Variants in MYRF observed in about 807,000 individuals in gnomAD.
The protein encoded by MYRF is myelin gene regulatory factor.
Under a neutral mutation model 126.3 loss-of-function variants are expected in MYRF, and 16 were observed. The ratio of observed to expected loss-of-function variants is 0.13; its 90% CI spans 0.09 to 0.19. The LOEUF (loss-of-function observed/expected upper bound fraction) is 0.19, where lower values mean the gene tolerates loss of function less well. Ranked by LOEUF, MYRF falls within the 10% of genes least tolerant of loss-of-function variation. The probability of loss-of-function intolerance (pLI) is 1.00; values close to 1 mark genes in which losing one functional copy is unlikely to be tolerated. For synonymous variants in MYRF, 608 were observed against 635.3 expected, an observed-to-expected ratio of 0.96 and a Z score of 0.65; for missense variants, 1,104 against 1,547.0, an observed-to-expected ratio of 0.71 and a Z score of 4.80.
In MYRF at chr11:61,781,777, A is replaced by G. The variant is rs1433874475; in HGVS notation, c.2969A>G (p.Gln990Arg). Residue 990 changes from glutamine (Q) to arginine (R), a missense_variant, in exon 22 of 27, where the codon CAG (glutamine) becomes CGG (arginine). By Grantham distance (43) the Gln-to-Arg change is conservative. Around this residue, in one of 10 missense-constraint regions of MYRF, gnomAD observed 323 missense variants for 383.1 expected, o/e 0.84. Transcript: ENST00000278836. The stretch of plus-strand genomic sequence containing the variant: ...GGCCGGGCCCGCCGAGGGGCCCTCC[A>G]GTCCAGCGTGGGCCCTGCTGAGCCC... ...FHGRARRGAL[Q>R]SSVGPAEPTW... 8 of 1,607,770 alleles carry G rather than the reference A, an allele frequency of 5.0e-6. No homozygotes were observed. The highest frequency in any genetic ancestry group is 2.7e-5 in the African/African-American group (2 of 74,674).
At position 61,776,677 on chromosome 11, in the gene MYRF, G is replaced by C. The variant is rs1217365814; in HGVS notation, c.1500-110G>C. The C allele has an allele frequency of 1.1e-6, 1 of 925,030 alleles. No individual in the cohort carries two copies. The highest frequency in any genetic ancestry group is 2.7e-5 in the East Asian group (1 of 37,674). The allele number at this position is 925,030 out of a possible 1,614,324, so 57.3% of individuals were successfully genotyped here. ...TTTCTGCCCCCTGGTGGAGGCTCGG[G>C]TTCCTCCTCTGTAGGAGGGGGTGAG... On this transcript the variant is annotated intron_variant, in intron 10 of 26. Coordinates refer to ENST00000278836, the MANE Select transcript of MYRF (RefSeq NM_001127392.3). This position sits in a 1 kb window ranked among gnomAD's most constrained non-coding sequence, Gnocchi z 4.3.
chr11:61,776,530 G>T lies in MYRF; in HGVS notation c.1499+98G>T, dbSNP rs2066387892. ...CCAGGCACAGAGTCCTACAGGCTGAGCCATTTCACAGATGAGAGACCTGAG... is the reference window on the plus strand; with the variant it reads ...CCAGGCACAGAGTCCTACAGGCTGATCCATTTCACAGATGAGAGACCTGAG... On this transcript the variant is annotated intron_variant, in intron 10 of 26. Coordinates refer to ENST00000278836, the MANE Select transcript of MYRF (RefSeq NM_001127392.3). This position sits in a 1 kb window ranked among gnomAD's most constrained non-coding sequence, Gnocchi z 4.3. The T allele has an allele frequency of 2.0e-6, 2 of 1,010,742 alleles. No individual in the cohort carries two copies. The highest frequency in any genetic ancestry group is 3.0e-6 in the Non-Finnish European group (2 of 674,998). The allele number at this position is 1,010,742 out of a possible 1,614,324, so 62.6% of individuals were successfully genotyped here.
chr11:61,771,138 C>T (rs1565291376), intron 5 of MYRF, among the ~76,000 whole-genome samples: 1 of 152,088 alleles, frequency 6.6e-6, no homozygotes, highest in Non-Finnish European at 1.5e-5. Flanking sequence ...CTCCATAGAG[C>T]CCCCACTATA....
intron 1 of MYRF, among the ~76,000 whole-genome samples, chr11:61,764,946 C>T (rs2066012008): frequency 6.6e-6 from 1 of 152,222 alleles, no homozygotes. Flanking sequence ...GCTAAGTTCC[C>T]CCGCCTGTGC....
rs1175387949 is a variant in MYRF, at chr11:61,781,782, A to T, written c.2974A>T (p.Ser992Cys). ...GGCCCGCCGAGGGGCCCTCCAGTCC[A>T]GCGTGGGCCCTGCTGAGCCCACCTG... The part of the protein sequence containing the change: ...GRARRGALQS[S>C]VGPAEPTWAQ... The change falls in exon 22 of 27, where the codon AGC becomes TGC. Residue 992 changes from serine (S) to cysteine (C), a missense_variant. Ser to Cys is a moderately radical substitution (Grantham distance 112, BLOSUM62 -1). Coordinates refer to ENST00000278836, the MANE Select transcript of MYRF (RefSeq NM_001127392.3). The T allele has an allele frequency of 6.2e-7, 1 of 1,604,270 alleles. No homozygotes were observed. The highest frequency in any genetic ancestry group is 1.7e-5 in the Admixed American group (1 of 58,444).
In MYRF at chr11:61,779,942, C is replaced by T. The variant is rs753072673; in HGVS notation, c.2336+12C>T. The T allele has an allele frequency of 2.5e-5, 40 of 1,611,002 alleles. No homozygotes were observed. The African/African-American group carries it at 5.2e-4, about 21-fold the overall frequency. ...GTCATGGCCTTCAGGTGACTTGTCC[C>T]CTGGGCTCTCATGGTGGCTGACTAG... is the stretch of plus-strand genomic sequence containing the variant. On this transcript the variant is annotated intron_variant, in intron 17 of 26. Coordinates refer to ENST00000278836, the MANE Select transcript of MYRF (RefSeq NM_001127392.3).
intron 8 of MYRF, among the ~76,000 whole-genome samples, 176 bp from the exon 9 acceptor site, chr11:61,775,879 TG>T (rs1427686821): frequency 7.0e-6 from 1 of 142,768 alleles, no homozygotes; most frequent in African/African-American, 2.6e-5. Flanking sequence ...AAGTAGGGTG[TG>T]GGGGGGTGTG....
rs376809163 is a variant in MYRF, at chr11:61,769,256, G to A, written c.399-4G>A. ...CCCCCGGCCCCTTCCCCTGGCTCTC[G>A]CAGCACACTGCCGGACTCTCCCCCA... On this transcript the variant is annotated splice_region_variant and splice_polypyrimidine_tract_variant and intron_variant, in intron 3 of 26. Coordinates refer to ENST00000278836, the MANE Select transcript of MYRF (RefSeq NM_001127392.3). 225 of 1,595,466 alleles carry A rather than the reference G, an allele frequency of 1.4e-4. No homozygotes were observed. The highest frequency in any genetic ancestry group is 1.8e-4 in the Non-Finnish European group (207 of 1,171,266).
intron 1 of MYRF, among the ~76,000 whole-genome samples, chr11:61,764,274 C>T (rs940401260): frequency 5.3e-5 from 8 of 152,280 alleles, no homozygotes; most frequent in East Asian, 1.9e-4. Context: ...GGGGGGCTCC[C>T]GGGGACCCCA....
At chr11:61,782,551 G>A (rs1483596909) in intron 22 of MYRF, 1 of 152,244 alleles carries the variant, frequency 6.6e-6, no homozygotes, top group Non-Finnish European at 1.5e-5. Flanking sequence ...TGATGAAGAT[G>A]GACACGCCCC....
At chr11:61,761,281 C>T (rs1430262757) in intron 1 of MYRF, among the ~76,000 whole-genome samples, 1 of 142,736 alleles carries the variant, frequency 7.0e-6, no homozygotes, top group African/African-American at 2.6e-5. Flanking sequence ...CACATAAGCA[C>T]AAGGAGGGGC....
intron 7 of MYRF, among the ~76,000 whole-genome samples, chr11:61,773,530 G>A (rs545987389): frequency 6.6e-6 from 1 of 152,208 alleles, no homozygotes; most frequent in Non-Finnish European, 1.5e-5. Context: ...TGGTTCCACC[G>A]TTTCCAGGGC....
chr11:61,771,580 T>C lies in MYRF; in HGVS notation c.821T>C (p.Met274Thr). 1 of 1,613,862 alleles carries C rather than the reference T, an allele frequency of 6.2e-7. No individual in the cohort carries two copies. Among genetic ancestry groups the C allele is most frequent in the Non-Finnish European group, 8.5e-7 (1 of 1,179,944 alleles). The change falls in exon 6 of 27, where the codon ATG (methionine) becomes ACG (threonine). Residue 274 changes from methionine (M) to threonine (T), a missense_variant. Met to Thr is a moderately conservative substitution (Grantham distance 81). Coordinates refer to ENST00000278836, the MANE Select transcript of MYRF (RefSeq NM_001127392.3). ...STLNAQMLNGMIKQEPGTVTA... is the reference protein window; with the variant it reads ...STLNAQMLNGTIKQEPGTVTA... ...CTCAATGCCCAGATGCTGAATGGAA[T>C]GATCAAACAGGAGCCTGGGACCGTG...
chr11:61,779,976 A>T, intron 17 of MYRF, 46 bp downstream of exon 17: 1 of 1,543,236 alleles, frequency 6.5e-7, no homozygotes, highest in Non-Finnish European at 8.9e-7. Flanking sequence ...AGGGGAGTGG[A>T]GCTGCCCAGT....
In MYRF at chr11:61,778,565, G is replaced by C. The variant is rs1219934384; in HGVS notation, c.2013+76G>C. 2.8e-6 allele frequency: 3 copies of C among 1,057,450 alleles called. No homozygotes were observed. The highest frequency in any genetic ancestry group is 1.3e-5 in the South Asian group (1 of 79,194). 65.5% of individuals were successfully genotyped at this position (1,057,450 alleles called of 1,614,324 possible). On this transcript the variant is annotated intron_variant, in intron 14 of 26. Coordinates refer to ENST00000278836, the MANE Select transcript of MYRF (RefSeq NM_001127392.3). The surrounding 1 kb of genome is among the most constrained non-coding windows in gnomAD (Gnocchi z 4.6). ...CTGGGGAACACTCATCACCTCCATA[G>C]ATACTGGGGGCACTGCAAAGCAGAG...
At position 61,776,949 on chromosome 11, in the gene MYRF, C is replaced by T. The variant is rs1054381914; in HGVS notation, c.1590+72C>T. The T allele has an allele frequency of 1.9e-5, 25 of 1,310,980 alleles. No homozygotes were observed. The highest frequency in any genetic ancestry group is 2.5e-5 in the East Asian group (1 of 39,972). The allele number at this position is 1,310,980 out of a possible 1,614,324, so 81.2% of individuals were successfully genotyped here. A position where few individuals can be genotyped will look rare whatever the true frequency, so the allele number is the denominator to read the frequency against. On this transcript the variant is annotated intron_variant, in intron 11 of 26. Transcript: ENST00000278836. The surrounding 1 kb of genome is among the most constrained non-coding windows in gnomAD (Gnocchi z 4.3). ...GGGAGAAACAGCAAGCAGAAGTACCCGGGTACTGAGAGTCAGGAGTGGGCA... is the reference window on the plus strand; with the variant it reads ...GGGAGAAACAGCAAGCAGAAGTACCTGGGTACTGAGAGTCAGGAGTGGGCA...
intron 1 of MYRF, among the ~76,000 whole-genome samples, chr11:61,756,132 TCA>T (rs1466359674): frequency 6.6e-6 from 1 of 152,140 alleles, no homozygotes; most frequent in Non-Finnish European, 1.5e-5. Context: ...GCTGGGCTCC[TCA>T]CAGCCCCTGA....
chr11:61,786,260 C>T lies in MYRF; in HGVS notation c.*117C>T, dbSNP rs2066693072. 25 of 966,442 alleles carry T rather than the reference C, an allele frequency of 2.6e-5. No homozygotes were observed. The allele number at this position is 966,442 out of a possible 1,614,324, so 59.9% of individuals were successfully genotyped here. The stretch of plus-strand genomic sequence containing the variant: ...GCAGGCCAGCTCTGCTGTTCACTGG[C>T]CCTACCCGAGACTGGTGAAACTGGA... On this transcript the variant is annotated 3_prime_UTR_variant, in exon 27 of 27. Transcript: ENST00000278836. This position sits in a 1 kb window ranked among gnomAD's most constrained non-coding sequence, Gnocchi z 4.5.
Position 61,787,698 on chromosome 11 carries a change from C to G in MYRF, c.*1555C>G, listed in dbSNP as rs2066725356. 6.5e-6 allele frequency: 1 copy of G among 152,764 alleles called. No homozygotes were observed. The highest frequency in any genetic ancestry group is 6.5e-5 in the Admixed American group (1 of 15,278). The allele number at this position is 152,764 out of a possible 1,614,324, so 9.5% of individuals were successfully genotyped here. Reference sequence around the variant, plus strand: ...CCCCTCCCCAATTTGGTTCCGTTGACATAGGAATTTTACGATTCCCAAACC... The same window carrying G: ...CCCCTCCCCAATTTGGTTCCGTTGAGATAGGAATTTTACGATTCCCAAACC... On this transcript the variant is annotated 3_prime_UTR_variant, in exon 27 of 27. Coordinates refer to ENST00000278836, the MANE Select transcript of MYRF (RefSeq NM_001127392.3).
Sources: allele counts gnomAD v4.1 joint callset (sites outside exome capture counted in the v4.1 genomes callset), GRCh38; gene constraint gnomAD v4.1.1; regional missense constraint gnomAD v4.1.1; non-coding constraint Gnocchi (gnomAD v3.1); transcripts MANE v1.5; gene names NCBI Gene and HGNC (gene_info 2026-07-23, HGNC 2026-07-21).